PADI6: variants seen among roughly 807,000 people sequenced by gnomAD.
PADI6 encodes peptidyl arginine deiminase 6, also known as inactive protein-arginine deiminase type-6.
A neutral mutation model predicts 78.2 loss-of-function variants in PADI6; 66 were observed. The observed-to-expected ratio is 0.84, with a 90% CI of 0.69 to 1.04. The LOEUF (loss-of-function observed/expected upper bound fraction) is 1.04. Ranked by LOEUF, PADI6 falls within the 50% of genes least tolerant of loss-of-function variation. The probability of loss-of-function intolerance (pLI) is 0.00; values close to 1 mark genes in which losing one functional copy is unlikely to be tolerated. For missense variants in PADI6, 854 were observed against 866.1 expected, an observed-to-expected ratio of 0.99 and a Z score of 0.18; for synonymous variants, 397 against 346.9, an observed-to-expected ratio of 1.14 and a Z score of -1.60.
chr1:17,376,999 A>G (rs1033485913), intron 3 of PADI6, among the ~76,000 whole-genome samples: 1 of 152,014 alleles, frequency 6.6e-6, no homozygotes, highest in African/African-American at 2.4e-5. Context: ...CAGCCTCTCC[A>G]GTAGCTTGGA....
chr1:17,390,406 C>T (rs2075170356), intron 8 of PADI6, among the ~76,000 whole-genome samples: 1 of 152,080 alleles, frequency 6.6e-6, no homozygotes, highest in African/African-American at 2.4e-5. Flanking sequence ...TCAAGACCAG[C>T]CTGGCCAACA....
At chr1:17,386,515 GGCCTGCTGATGCTATC>G (rs1352803231) in intron 6 of PADI6, among the ~76,000 whole-genome samples, 1 of 152,212 alleles carries the variant, frequency 6.6e-6, no homozygotes, top group Non-Finnish European at 1.5e-5. Context: ...GCATGCCGTG[GGCCTGCTGATGCTATC>G]GCAGGTCAAG....
chr1:17,380,490 G>A (rs1371980403), intron 4 of PADI6, among the ~76,000 whole-genome samples: 1 of 152,136 alleles, frequency 6.6e-6, no homozygotes, highest in East Asian at 1.9e-4. Context: ...GCCTCAGCCT[G>A]CCGAGTAGCT....
At chr1:17,394,779 G>T (rs2075228841) in intron 11 of PADI6, among the ~76,000 whole-genome samples, 172 bp from the exon 12 acceptor site, 1 of 152,196 alleles carries the variant, frequency 6.6e-6, no homozygotes, top group Non-Finnish European at 1.5e-5. Context: ...ACTAGGCTCT[G>T]TTCTGAGTGG....
intron 14 of PADI6, among the ~76,000 whole-genome samples, chr1:17,397,462 C>T (rs1213866654): frequency 6.6e-6 from 1 of 152,112 alleles, no homozygotes; most frequent in Non-Finnish European, 1.5e-5. Flanking sequence ...CAGGGTGGGA[C>T]AGGGGCAGGG....
intron 6 of PADI6, among the ~76,000 whole-genome samples, chr1:17,387,375 A>G (rs758064624): frequency 3.3e-5 from 5 of 150,984 alleles, no homozygotes; most frequent in Admixed American, 1.3e-4. Flanking sequence ...AACCCAGGAG[A>G]TGGAGGTTGA....
At chr1:17,385,533 C>A (rs187069744) in intron 6 of PADI6, among the ~76,000 whole-genome samples, 4 of 152,016 alleles carry the variant, frequency 2.6e-5, no homozygotes, top group Admixed American at 1.3e-4. Context: ...GCATTGTCTG[C>A]CTTGGAGGTG....
intron 8 of PADI6, among the ~76,000 whole-genome samples, chr1:17,389,838 G>A (rs1482010756): frequency 1.3e-5 from 2 of 151,954 alleles, no homozygotes; most frequent in Admixed American, 6.6e-5. Flanking sequence ...GGATTGGTCC[G>A]CAGGTAGGAC....
At chr1:17,372,488 C>A in intron 1 of PADI6, 127 bp downstream of exon 1, 1 of 884,810 alleles carries the variant, frequency 1.1e-6, no homozygotes, top group Non-Finnish European at 1.8e-6. Flanking sequence ...TCTTGGGAAG[C>A]CTTGGGTCTC....
chr1:17,392,420 G>A (rs748682379), intron 9 of PADI6, among the ~76,000 whole-genome samples, 195 bp downstream of exon 9: 56 of 152,212 alleles, frequency 3.7e-4, no homozygotes, highest in Non-Finnish European at 2.1e-4. Flanking sequence ...AATAGTTAGA[G>A]TCCAGCCTCC....
chr1:17,392,137 T>C lies in PADI6; in HGVS notation c.986T>C (p.Val329Ala), dbSNP rs1422227378. 4 of 1,559,574 alleles carry C rather than the reference T, an allele frequency of 2.6e-6. No homozygotes were observed. The Admixed American group carries it at 7.7e-5, about 30-fold the overall frequency. ...AGGGAGCTGCAGCTGCAGGGTTTTG[T>C]GGACACAGTGACGAAGCTGAGTGAG... The part of the protein sequence containing the change: ...LCRELQLQGF[V>A]DTVTKLSEKS... Residue 329 changes from valine to alanine, a missense_variant, in exon 9 of 16, where the codon GTG becomes GCG. Transcript: ENST00000619609.
chr1:17,392,818 A>G (rs1366421716), intron 9 of PADI6, among the ~76,000 whole-genome samples: 1 of 152,178 alleles, frequency 6.6e-6, no homozygotes, highest in African/African-American at 2.4e-5. Context: ...GGAAACAAGG[A>G]GCTGGCCATG....
In PADI6 at chr1:17,372,270, A is replaced by G. The variant is rs369968194; in HGVS notation, c.25A>G (p.Met9Val). 2.5e-6 allele frequency: 4 copies of G among 1,613,852 alleles called. No homozygotes were observed. The highest frequency in any genetic ancestry group is 3.4e-6 in the Non-Finnish European group (4 of 1,179,880). Residue 9 changes from methionine to valine, a missense_variant, in exon 1 of 16, where the codon ATG becomes GTG. By Grantham distance (21) the Met-to-Val change is conservative. Transcript: ENST00000619609. ...GATGGTCAGCGTGGAGGGCCGAGCC[A>G]TGTCCTTCCAGAGTATCATCCACCT... Reference protein sequence around the residue: MVSVEGRAMSFQSIIHLSL... With the variant: MVSVEGRAVSFQSIIHLSL...
chr1:17,388,007 A>G (rs535802235), intron 6 of PADI6, among the ~76,000 whole-genome samples: 1 of 152,118 alleles, frequency 6.6e-6, no homozygotes, highest in African/African-American at 2.4e-5. Flanking sequence ...CCAGCCTGGG[A>G]CAGTTTCTCA....
intron 8 of PADI6, among the ~76,000 whole-genome samples, chr1:17,389,614 G>A (rs921966600): frequency 1.3e-5 from 2 of 152,186 alleles, no homozygotes; most frequent in African/African-American, 2.4e-5. Flanking sequence ...GGCCACGTCC[G>A]GCTTCAGGGA....
At chr1:17,374,741 C>T (rs1263129195) in intron 2 of PADI6, among the ~76,000 whole-genome samples, 1 of 152,166 alleles carries the variant, frequency 6.6e-6, no homozygotes, top group Non-Finnish European at 1.5e-5. Context: ...CAGGAGTGGC[C>T]AACAAAGAAC....
At chr1:17,391,647 A>C (rs2800689) in intron 8 of PADI6, among the ~76,000 whole-genome samples, 45,343 of 151,924 alleles carry the variant, frequency 0.3, 7,061 homozygotes, top group Middle Eastern at 0.41. Context: ...AGACCCACCC[A>C]ACGCCACACA....
rs199561322 is a variant in PADI6, at chr1:17,375,466, G to C, written c.334G>C (p.Val112Leu). Residue 112 changes from valine (V) to leucine (L), a missense_variant, in exon 3 of 16, where the codon GTG becomes CTG. Coordinates refer to ENST00000619609, the MANE Select transcript of PADI6 (RefSeq NM_207421.4). ...TYYGPNEDAP[V>L]GTAVLYLTGI... Reference sequence around the variant, plus strand: ...CTATGGGCCCAACGAGGATGCCCCCGTGGGCACAGCTGTGCTGTACCTCAC... The same window carrying C: ...CTATGGGCCCAACGAGGATGCCCCCCTGGGCACAGCTGTGCTGTACCTCAC... 16 of 1,610,656 alleles carry C rather than the reference G, an allele frequency of 9.9e-6. No individual in the cohort carries two copies. The highest frequency in any genetic ancestry group is 1.4e-5 in the Non-Finnish European group (16 of 1,178,576).
At chr1:17,379,178 T>C (rs1467918571) in intron 3 of PADI6, among the ~76,000 whole-genome samples, 1 of 141,008 alleles carries the variant, frequency 7.1e-6, no homozygotes, top group Non-Finnish European at 1.5e-5. Flanking sequence ...AGTGGCGCAA[T>C]CTCGGCTCAC....
Sources: gnomAD v4.1 joint callset for allele counts (sites outside exome capture counted in the v4.1 genomes callset) on GRCh38, gnomAD v4.1.1 for gene constraint, MANE v1.5 for transcripts, NCBI Gene and HGNC (gene_info 2026-07-23, HGNC 2026-07-21) for gene names.